The following FAM200A variants were observed in gnomAD, a reference collection of about 807,000 sequenced individuals.
FAM200A encodes the protein protein FAM200A.
FAM200A carries 26 observed loss-of-function variants against 44.2 expected under a neutral mutation model. The ratio of observed to expected loss-of-function variants is 0.59; its 90% CI spans 0.43 to 0.82. FAM200A has a LOEUF of 0.82. Among genes scored for constraint, FAM200A ranks in the 40% least tolerant of loss-of-function variants. FAM200A has a pLI of 0.00. For synonymous variants in FAM200A, 206 were observed against 244.4 expected (o/e 0.84, Z 1.47); for missense variants, 606 against 669.5 (o/e 0.91, Z 1.05).
Position 99,546,647 on chromosome 7 carries a change from C to T in FAM200A, c.*39G>A, listed in dbSNP as rs776404285. ...CTGCTGGGATTACAGGCGTAAGCCACCACACCTGGCTATACACAGAATTTT... is the reference window on the plus strand; with the variant it reads ...CTGCTGGGATTACAGGCGTAAGCCATCACACCTGGCTATACACAGAATTTT... On this transcript the variant is annotated 3_prime_UTR_variant, in exon 2 of 2. Transcript: ENST00000449309. 6.8e-7 allele frequency: 1 copy of T among 1,462,788 alleles called. No individual in the cohort carries two copies. The highest frequency in any genetic ancestry group is 1.5e-5 in the South Asian group (1 of 67,958). The allele number at this position is 1,462,788 out of a possible 1,614,324, so 90.6% of individuals were successfully genotyped here.
At position 99,548,000 on chromosome 7, in the gene FAM200A, G is replaced by A. The variant is rs142610570; in HGVS notation, c.408C>T (p.Ser136=). The change falls in exon 2 of 2, where the codon TCC becomes TCT. Residue 136 remains serine, a synonymous_variant. Transcript: ENST00000449309. ...LEAMLITRLQ[S]GIDFAIQLDE... ...CGAGTTGGATTGCAAAGTCTATACC[G>A]GACTGCAGCCGTGTAATAAGCATTG... 1.9e-5 allele frequency: 30 copies of A among 1,551,336 alleles called. No individual in the cohort carries two copies. Among genetic ancestry groups the A allele is most frequent in the Middle Eastern group, 1.7e-4 (1 of 5,992 alleles).
rs989918589 is a variant in FAM200A at position 99,548,462 on chromosome 7, G to C, written c.-55C>G. ...ATCCAAATAGGGTCTGTTTTGCAGG[G>C]CTGTCCTTTGTGACCTAGGTTTTAT... is the stretch of plus-strand genomic sequence containing the variant. On this transcript the variant is annotated 5_prime_UTR_variant, in exon 2 of 2. Transcript: ENST00000449309. 2 of 1,560,738 alleles carry C rather than the reference G, an allele frequency of 1.3e-6. No homozygotes were observed. Among genetic ancestry groups the C allele is most frequent in the African/African-American group, 2.7e-5 (2 of 72,962 alleles).
At chr7:99,550,633 T>G (rs1003399118) in intron 1 of FAM200A, among the ~76,000 whole-genome samples, 1 of 152,164 alleles carries the variant, frequency 6.6e-6, no homozygotes, top group Non-Finnish European at 1.5e-5. Context: ...TCTATGTGTT[T>G]CATCCAAGAA....
In FAM200A at chr7:99,547,723, A is replaced by T. The variant is rs1041691119; in HGVS notation, c.685T>A (p.Leu229Ile). ...ACAGCATTGTTGTGGGTTGCTTCTA[A>T]CAATTTTTCAGTAAGTCTGCTGTGT... ...GKHSRLTEKL[L>I]EATHNNAVWN... The change falls in exon 2 of 2, where the codon TTA (leucine) becomes ATA (isoleucine). Residue 229 changes from leucine to isoleucine, a missense_variant. Physicochemically the swap from Leu to Ile is conservative, Grantham distance 5. Transcript: ENST00000449309. The T allele has an allele frequency of 6.4e-7, 1 of 1,551,656 alleles. No homozygotes were observed.
At chr7:99,556,145 A>C (rs1010697380), upstream of FAM200A, among the ~76,000 whole-genome samples, 1 of 152,162 alleles carries the variant, frequency 6.6e-6, no homozygotes, top group Non-Finnish European at 1.5e-5. Flanking sequence ...ATAAGTGCCC[A>C]TATCTTCAGG....
upstream of FAM200A, among the ~76,000 whole-genome samples, chr7:99,553,046 C>CATATAT (rs1446198914): frequency 1.6e-4 from 20 of 128,438 alleles, no homozygotes; most frequent in African/African-American, 4.0e-4. Flanking sequence ...TATATATACA[C>CATATAT]ACACATATAT....
chr7:99,552,206 T>C (rs114987631), upstream of FAM200A: 414 of 980,564 alleles, frequency 4.2e-4, 3 homozygotes, highest in African/African-American at 6.2e-3. Context: ...CATCCCTGTG[T>C]AGGGCTCTAA....
rs1360929653 is a variant in FAM200A, at chr7:99,547,676, A to T, written c.732T>A (p.His244Gln). Residue 244 changes from histidine to glutamine, a missense_variant, in exon 2 of 2, where the codon CAT becomes CAA. Coordinates refer to ENST00000449309, the MANE Select transcript of FAM200A (RefSeq NM_145111.4). ...TTTCTTTGGATACCAAAGCTTCTCG[A>T]TGAATAAAACAGTGATTCCAAACAG... ...NNAVWNHCFI[H>Q]REALVSKEIS... 1 of 1,551,220 alleles carries T rather than the reference A, an allele frequency of 6.4e-7. No individual in the cohort carries two copies. The highest frequency in any genetic ancestry group is 1.4e-5 in the African/African-American group (1 of 73,152).
At chr7:99,551,745 T>C in intron 1 of FAM200A, 109 bp downstream of exon 1, 2 of 890,580 alleles carry the variant, frequency 2.2e-6, no homozygotes. Context: ...TCCGCGCGTC[T>C]TTGGGGTAAA....
Position 99,548,065 on chromosome 7 carries a change from T to C in FAM200A, c.343A>G (p.Ile115Val), listed in dbSNP as rs746417380. Residue 115 changes from isoleucine (I) to valine (V), a missense_variant, in exon 2 of 2, where the codon ATA becomes GTA. Coordinates refer to ENST00000449309, the MANE Select transcript of FAM200A (RefSeq NM_145111.4). The stretch of plus-strand genomic sequence containing the variant: ...GCAATCGTACAGATTCGACGAGATA[T>C]TGTATTATCACTAAGAGGTATAGTT... ...LRTIPLSDNT[I>V]SRRICTIAKH... is the part of the protein sequence containing the mutation. 2 of 1,551,632 alleles carry C rather than the reference T, an allele frequency of 1.3e-6. No individual in the cohort carries two copies. The highest frequency in any genetic ancestry group is 2.0e-5 in the Admixed American group (1 of 50,994).
chr7:99,554,764 G>A (rs1802645289), upstream of FAM200A, among the ~76,000 whole-genome samples: 1 of 152,202 alleles, frequency 6.6e-6, no homozygotes, highest in South Asian at 2.1e-4. Flanking sequence ...GAGTGGGGCT[G>A]TAATGAAGAA....
Position 99,547,809 on chromosome 7 carries a change from T to A in FAM200A, c.599A>T (p.Lys200Ile). The A allele has an allele frequency of 6.4e-7, 1 of 1,551,632 alleles. No individual in the cohort carries two copies. The highest frequency in any genetic ancestry group is 8.7e-7 in the Non-Finnish European group (1 of 1,146,976). The change falls in exon 2 of 2, where the codon AAA (lysine) becomes ATA (isoleucine). Residue 200 changes from lysine (K) to isoleucine (I), a missense_variant. Transcript: ENST00000449309. ...ELENCLLGQY[K>I]LNWKHCKGIS... ...TCCTTTACAATGTTTCCAGTTTAAT[T>A]TATACTGACCAAGAAGGCAGTTTTC...
At chr7:99,553,068 CACATATATATAT>C (rs1267251576), upstream of FAM200A, among the ~76,000 whole-genome samples, 12 of 89,366 alleles carry the variant, frequency 1.3e-4, no homozygotes, top group African/African-American at 6.0e-4. Flanking sequence ...TATATACACA[CACATATATATAT>C]ATATATATAT....
In FAM200A at chr7:99,547,462, G is replaced by C; in HGVS notation, c.946C>G (p.Leu316Val). The C allele has an allele frequency of 6.4e-7, 1 of 1,551,322 alleles. No individual in the cohort carries two copies. The highest frequency in any genetic ancestry group is 1.2e-5 in the South Asian group (1 of 83,926). ...AGAAAAATGTAAATCTCGTTCCTGA[G>C]TTCATATACTCTGCTCAATACTTTT... Reference protein sequence around the residue: ...QGKVLSRVYELRNEIYIFLVE... With the variant: ...QGKVLSRVYEVRNEIYIFLVE... Residue 316 changes from leucine to valine, a missense_variant, in exon 2 of 2, where the codon CTC becomes GTC. Coordinates refer to ENST00000449309, the MANE Select transcript of FAM200A (RefSeq NM_145111.4).
upstream of FAM200A, among the ~76,000 whole-genome samples, chr7:99,556,536 C>T (rs1389206390): frequency 6.6e-6 from 1 of 152,072 alleles, no homozygotes; most frequent in East Asian, 1.9e-4. Flanking sequence ...AATTCAACCT[C>T]ATATTTCTGG....
chr7:99,553,848 T>C (rs1802623284), upstream of FAM200A, among the ~76,000 whole-genome samples: 2 of 152,226 alleles, frequency 1.3e-5, no homozygotes, highest in South Asian at 4.1e-4. Context: ...TAGCTGCTTC[T>C]GGATGATGAG....
At position 99,546,589 on chromosome 7, in the gene FAM200A, G is replaced by T; in HGVS notation, c.*97C>A. The T allele has an allele frequency of 7.5e-7, 1 of 1,325,450 alleles. No homozygotes were observed. The highest frequency in any genetic ancestry group is 1.8e-5 in the South Asian group (1 of 54,760). 82.1% of individuals were successfully genotyped at this position (1,325,450 alleles called of 1,614,324 possible). ...TCACCATGTTGGCCAGGCTGGTCTT[G>T]AACTCAAGTGATCTGCCCACCTCGG... is the stretch of plus-strand genomic sequence containing the variant. On this transcript the variant is annotated 3_prime_UTR_variant, in exon 2 of 2. Coordinates refer to ENST00000449309, the MANE Select transcript of FAM200A (RefSeq NM_145111.4).
rs1802422710 is a variant in FAM200A at position 99,547,699 on chromosome 7, C to T, written c.709G>A (p.Val237Ile). The change falls in exon 2 of 2, where the codon GTT becomes ATT. Residue 237 changes from valine to isoleucine, a missense_variant. By Grantham distance (29) the Val-to-Ile change is conservative (BLOSUM62 3). Transcript: ENST00000449309. ...CGATGAATAAAACAGTGATTCCAAACAGCATTGTTGTGGGTTGCTTCTAAC... is the reference window on the plus strand; with the variant it reads ...CGATGAATAAAACAGTGATTCCAAATAGCATTGTTGTGGGTTGCTTCTAAC... ...KLLEATHNNA[V>I]WNHCFIHREA... 5.2e-6 allele frequency: 8 copies of T among 1,551,362 alleles called. No homozygotes were observed. Among genetic ancestry groups the T allele is most frequent in the Non-Finnish European group, 7.0e-6 (8 of 1,146,936 alleles).
At chr7:99,556,686 TA>T (rs1802686193), upstream of FAM200A, among the ~76,000 whole-genome samples, 1 of 152,218 alleles carries the variant, frequency 6.6e-6, no homozygotes, top group Non-Finnish European at 1.5e-5. Flanking sequence ...TTGGCAATCC[TA>T]AATCCTTAGC....
Sources: allele counts gnomAD v4.1 joint callset (sites outside exome capture counted in the v4.1 genomes callset), GRCh38; gene constraint gnomAD v4.1.1; transcripts MANE v1.5; gene names NCBI Gene and HGNC (gene_info 2026-07-23, HGNC 2026-07-21).